Variants in TLL1 observed in about 807,000 individuals in gnomAD.
The protein encoded by TLL1 is tolloid like 1, also known as tolloid-like protein 1.
Under a neutral mutation model 128.2 loss-of-function variants are expected in TLL1, and 49 were observed. The observed-to-expected ratio is 0.38, with a 90% CI of 0.30 to 0.48. The LOEUF is 0.48. Ranked by LOEUF, TLL1 falls within the 20% of genes least tolerant of loss-of-function variation. TLL1 has a pLI of 0.96. For synonymous variants in TLL1, 454 were observed against 418.8 expected, an observed-to-expected ratio of 1.08 and a Z score of -1.03; for missense variants, 1,123 against 1,242.0, an observed-to-expected ratio of 0.90 and a Z score of 1.44.
intron 1 of TLL1, among the ~76,000 whole-genome samples, chr4:165,904,304 A>T (rs1201738492): frequency 2.6e-5 from 4 of 152,068 alleles, no homozygotes; most frequent in African/African-American, 7.2e-5. Flanking sequence ...TTTCTCATTC[A>T]TCCATTCCTA....
At chr4:166,035,485 A>G (rs1222784711) in intron 9 of TLL1, among the ~76,000 whole-genome samples, 1 of 152,160 alleles carries the variant, frequency 6.6e-6, no homozygotes, top group Non-Finnish European at 1.5e-5. Context: ...GATAAGCCTG[A>G]TATGGTGACC....
chr4:165,958,487 C>G (rs1403527413), intron 1 of TLL1, among the ~76,000 whole-genome samples: 1 of 143,342 alleles, frequency 7.0e-6, no homozygotes, highest in East Asian at 2.0e-4. Context: ...TTTCATGTGT[C>G]TTTTGGCTGC....
At chr4:165,977,019 T>C (rs925707914) in intron 1 of TLL1, among the ~76,000 whole-genome samples, 1 of 152,202 alleles carries the variant, frequency 6.6e-6, no homozygotes, top group African/African-American at 2.4e-5. Flanking sequence ...AAAGATTGGA[T>C]ACCCCTGAAT....
chr4:165,902,292 G>GA (rs34829825), intron 1 of TLL1, among the ~76,000 whole-genome samples: 46,075 of 147,978 alleles, frequency 0.31, 7,457 homozygotes, highest in East Asian at 0.56. Context: ...ACCAGGTTAT[G>GA]AAAAAAAAAC....
chr4:165,967,014 C>T (rs116646575), intron 1 of TLL1, among the ~76,000 whole-genome samples: 9,600 of 152,236 alleles, frequency 0.063, 445 homozygotes, highest in Middle Eastern at 0.095. Context: ...TATCTGCAAC[C>T]GTGTAAGACA....
chr4:166,074,869 CTT>C lies in TLL1; in HGVS notation c.2189-7_2189-6del. ...ACTTACTAGACTATGGGATTGATCT[CTT>C]TGCTAGACAAAGATGAATGCTCTAA... On this transcript the variant is annotated splice_polypyrimidine_tract_variant and splice_region_variant and intron_variant, in intron 16 of 20. Transcript: ENST00000061240. 6.2e-7 allele frequency: 1 copy of C among 1,613,044 alleles called. No homozygotes were observed. Among genetic ancestry groups the C allele is most frequent in the Non-Finnish European group, 8.5e-7 (1 of 1,179,314 alleles).
At chr4:165,903,352 G>C (rs1238830475) in intron 1 of TLL1, among the ~76,000 whole-genome samples, 2 of 149,292 alleles carry the variant, frequency 1.3e-5, no homozygotes, top group African/African-American at 4.9e-5. Flanking sequence ...ACAAAACAAA[G>C]AAAGTGACAA....
At chr4:166,073,206 C>T (rs1307126557) in intron 16 of TLL1, among the ~76,000 whole-genome samples, 1 of 151,912 alleles carries the variant, frequency 6.6e-6, no homozygotes, top group African/African-American at 2.4e-5. Flanking sequence ...GAGTGAAAAA[C>T]AAATTCACGC....
At chr4:165,966,003 AC>A (rs1735349126) in intron 1 of TLL1, among the ~76,000 whole-genome samples, 1 of 151,924 alleles carries the variant, frequency 6.6e-6, no homozygotes, top group Non-Finnish European at 1.5e-5. Context: ...AGATGGCAAA[AC>A]CCTGTCTCTA....
intron 5 of TLL1, 81 bp downstream of exon 5, chr4:165,995,259 A>C: frequency 9.6e-7 from 1 of 1,043,238 alleles, no homozygotes; most frequent in Non-Finnish European, 1.5e-6. Flanking sequence ...GGTAAGATTT[A>C]TTTCTTAAGA....
At chr4:165,961,281 A>G (rs1247892576) in intron 1 of TLL1, among the ~76,000 whole-genome samples, 6 of 152,150 alleles carry the variant, frequency 3.9e-5, no homozygotes, top group Admixed American at 3.9e-4. Flanking sequence ...AAAGATCTAT[A>G]CAAGGAGAAC....
chr4:166,099,647 A>G (rs1742201323), intron 20 of TLL1, 120 bp downstream of exon 20: 3 of 1,281,716 alleles, frequency 2.3e-6, no homozygotes, highest in Admixed American at 2.1e-5. Context: ...AAAAAAGGCT[A>G]CATTGTATTA....
At chr4:165,914,453 G>T (rs922315912) in intron 1 of TLL1, among the ~76,000 whole-genome samples, 1 of 152,196 alleles carries the variant, frequency 6.6e-6, no homozygotes, top group African/African-American at 2.4e-5. Context: ...AAGACTGAAT[G>T]ATTCTTCAGA....
At chr4:165,961,550 C>T (rs962650666) in intron 1 of TLL1, among the ~76,000 whole-genome samples, 1 of 152,126 alleles carries the variant, frequency 6.6e-6, no homozygotes, top group African/African-American at 2.4e-5. Flanking sequence ...AGAGGCATCA[C>T]ATTACCTGAC....
At chr4:165,898,614 C>A (rs1731801954) in intron 1 of TLL1, among the ~76,000 whole-genome samples, 1 of 152,178 alleles carries the variant, frequency 6.6e-6, no homozygotes, top group South Asian at 2.1e-4. Flanking sequence ...TTTTGATGTG[C>A]TGATGAATTT....
chr4:165,982,270 G>A (rs1337453941), intron 1 of TLL1, among the ~76,000 whole-genome samples: 2 of 148,168 alleles, frequency 1.3e-5, no homozygotes, highest in Non-Finnish European at 2.9e-5. Context: ...CTGACACTAT[G>A]AAACTTCTAA....
chr4:166,008,069 C>T, intron 7 of TLL1, 21 bp downstream of exon 7: 1 of 1,569,916 alleles, frequency 6.4e-7, no homozygotes, highest in Non-Finnish European at 8.8e-7. Context: ...CAGGTTATAC[C>T]TTTTGACTTT....
Position 166,104,435 on chromosome 4 carries a change from A to G in TLL1, c.*3559A>G, listed in dbSNP as rs958509800. Among the ~76,000 whole-genome samples, 1 of 151,938 alleles carries G rather than the reference A, an allele frequency of 6.6e-6. No individual in the cohort carries two copies. The highest frequency in any genetic ancestry group is 1.5e-5 in the Non-Finnish European group (1 of 67,930). On this transcript the variant is annotated 3_prime_UTR_variant, in exon 21 of 21. Coordinates refer to ENST00000061240, the MANE Select transcript of TLL1 (RefSeq NM_012464.5). ...CAGGCATGGGAGGAGGAGAGCAGAAAATATAATTGCCTTCTAAAGATATAT... is the reference window on the plus strand; with the variant it reads ...CAGGCATGGGAGGAGGAGAGCAGAAGATATAATTGCCTTCTAAAGATATAT...
chr4:165,968,438 A>G (rs1213497851), intron 1 of TLL1, among the ~76,000 whole-genome samples: 3 of 152,136 alleles, frequency 2.0e-5, no homozygotes, highest in African/African-American at 7.2e-5. Context: ...TAATTTATCA[A>G]TTCTCTACAT....
Sources: allele counts gnomAD v4.1 joint callset (sites outside exome capture counted in the v4.1 genomes callset), GRCh38; gene constraint gnomAD v4.1.1; transcripts MANE v1.5; gene names NCBI Gene and HGNC (gene_info 2026-07-23, HGNC 2026-07-21).